SGCZ: variants seen among roughly 807,000 people sequenced by gnomAD.
The protein encoded by SGCZ is sarcoglycan zeta.
Under a neutral mutation model 41.3 loss-of-function variants are expected in SGCZ, and 40 were observed. That is an observed-to-expected ratio of 0.97 (90% CI 0.75 to 1.26). The LOEUF (loss-of-function observed/expected upper bound fraction) is 1.26, where lower values mean the gene tolerates loss of function less well. SGCZ is among the 50% of genes most tolerant of loss of function. The probability of loss-of-function intolerance (pLI) is 0.00; values close to 1 mark genes in which losing one functional copy is unlikely to be tolerated. For missense variants in SGCZ, 552 were observed against 369.8 expected (o/e 1.49, Z -4.04); for synonymous variants, 206 against 137.5 (o/e 1.50, Z -3.49).
Position 14,227,659 on chromosome 8 carries a change from G to C in SGCZ, c.424+9933C>G, listed in dbSNP as rs562257394. On this transcript the variant is annotated intron_variant, in intron 4 of 7. Coordinates refer to ENST00000382080, the MANE Select transcript of SGCZ (RefSeq NM_139167.4). ...TCATAACAATCTTAAGAAATCTGAA[G>C]AGATTTGGGTAATACTGTTTCCTCA... is the stretch of plus-strand genomic sequence containing the variant. 1.1e-4 allele frequency among the ~76,000 whole-genome samples: 17 copies of C among 152,180 alleles called. No individual in the cohort carries two copies. The South Asian group carries it at 3.5e-3, about 32-fold the overall frequency.
At chr8:14,911,729 A>T (rs1464452368) in intron 1 of SGCZ, among the ~76,000 whole-genome samples, 2 of 151,902 alleles carry the variant, frequency 1.3e-5, no homozygotes, top group Non-Finnish European at 2.9e-5. Context: ...GTTTAAAAAT[A>T]TTTATATATA....
At chr8:14,769,331 A>T (rs1469501100) in intron 1 of SGCZ, among the ~76,000 whole-genome samples, 1 of 152,218 alleles carries the variant, frequency 6.6e-6, no homozygotes, top group Non-Finnish European at 1.5e-5. Flanking sequence ...ACAATTTATT[A>T]TGGGGGAAAA....
intron 1 of SGCZ, among the ~76,000 whole-genome samples, chr8:14,555,650 C>G (rs993681369): frequency 2.0e-5 from 3 of 151,994 alleles, no homozygotes; most frequent in African/African-American, 7.2e-5. Flanking sequence ...ATGAATACAC[C>G]AAGCTACACT....
At chr8:15,014,288 T>TGCTGG (rs1192959863) in intron 1 of SGCZ, among the ~76,000 whole-genome samples, 1 of 152,196 alleles carries the variant, frequency 6.6e-6, no homozygotes, top group Non-Finnish European at 1.5e-5. Flanking sequence ...CCAAGGGATG[T>TGCTGG]GCTGGGCGTG....
chr8:15,104,384 C>A (rs551298369), intron 1 of SGCZ, among the ~76,000 whole-genome samples: 1 of 152,166 alleles, frequency 6.6e-6, no homozygotes, highest in South Asian at 2.1e-4. Context: ...ACTGGCACAT[C>A]AGACAGAGAG....
At chr8:14,387,981 C>T (rs966887918) in intron 2 of SGCZ, among the ~76,000 whole-genome samples, 7 of 151,962 alleles carry the variant, frequency 4.6e-5, no homozygotes, top group African/African-American at 9.7e-5. Flanking sequence ...TCTGTAGAAC[C>T]TTGTGATTAA....
chr8:14,680,618 T>A (rs1808411043), intron 1 of SGCZ, among the ~76,000 whole-genome samples: 1 of 151,864 alleles, frequency 6.6e-6, no homozygotes, highest in Non-Finnish European at 1.5e-5. Context: ...ATACACTGCA[T>A]ATATTCCAAA....
At chr8:14,419,563 G>A (rs62499663) in intron 2 of SGCZ, among the ~76,000 whole-genome samples, 13,215 of 151,734 alleles carry the variant, frequency 0.087, 744 homozygotes, top group Middle Eastern at 0.13. Context: ...AACAATATTC[G>A]TAAACATTTA....
At chr8:14,436,879 G>C (rs1207720043) in intron 2 of SGCZ, among the ~76,000 whole-genome samples, 1 of 152,120 alleles carries the variant, frequency 6.6e-6, no homozygotes, top group Non-Finnish European at 1.5e-5. Flanking sequence ...GGTTATTCAG[G>C]CTTGGGATTT....
At chr8:14,715,534 C>CCACACACACACACACACA (rs3069627) in intron 1 of SGCZ, among the ~76,000 whole-genome samples, 6 of 133,312 alleles carry the variant, frequency 4.5e-5, no homozygotes, top group African/African-American at 1.8e-4. Flanking sequence ...ATATCCTCCA[C>CCACACACACACACACACA]CACACACACA....
chr8:15,225,618 G>A (rs1801744142), intron 1 of SGCZ, among the ~76,000 whole-genome samples: 1 of 152,130 alleles, frequency 6.6e-6, no homozygotes, highest in Non-Finnish European at 1.5e-5. Context: ...GCGGAGTGTG[G>A]ATTATAACGT....
rs77416836 is a variant in SGCZ at position 14,517,655 on chromosome 8, G to A, written c.234+37077C>T. Reference sequence around the variant, plus strand: ...AATTAACTGCTCGTTGAAAATCTTGGTAAATTTTTGAAAAGCTTTTAAAAT... The same window carrying A: ...AATTAACTGCTCGTTGAAAATCTTGATAAATTTTTGAAAAGCTTTTAAAAT... On this transcript the variant is annotated intron_variant, in intron 2 of 7. Coordinates refer to ENST00000382080, the MANE Select transcript of SGCZ (RefSeq NM_139167.4). Among the ~76,000 whole-genome samples, 1,222 of 152,008 alleles carry A rather than the reference G, an allele frequency of 8.0e-3. 27 individuals carry two copies. Among genetic ancestry groups the A allele is most frequent in the East Asian group, 0.067 (343 of 5,148 alleles).
intron 1 of SGCZ, among the ~76,000 whole-genome samples, chr8:14,767,873 G>C (rs1800093577): frequency 6.6e-6 from 1 of 152,120 alleles, no homozygotes; most frequent in Non-Finnish European, 1.5e-5. Context: ...TGCTGAAATA[G>C]GGCCATGTAT....
chr8:14,159,205 T>G (rs1164344219), intron 5 of SGCZ, among the ~76,000 whole-genome samples: 1 of 152,194 alleles, frequency 6.6e-6, no homozygotes, highest in African/African-American at 2.4e-5. Context: ...TGGACAATTT[T>G]AAAACCTCTA....
At chr8:14,533,356 T>A (rs1223046742) in intron 2 of SGCZ, among the ~76,000 whole-genome samples, 1 of 152,188 alleles carries the variant, frequency 6.6e-6, no homozygotes, top group African/African-American at 2.4e-5. Context: ...CCTTTTCTTA[T>A]CAAATTAAAA....
chr8:14,500,716 A>G (rs1181968810), intron 2 of SGCZ, among the ~76,000 whole-genome samples: 20 of 152,056 alleles, frequency 1.3e-4, no homozygotes, highest in Admixed American at 1.2e-3. Flanking sequence ...CCATGTAAAA[A>G]TTACTATCAG....
intron 4 of SGCZ, among the ~76,000 whole-genome samples, chr8:14,214,832 G>C (rs1401800027): frequency 6.6e-6 from 1 of 151,994 alleles, no homozygotes; most frequent in Non-Finnish European, 1.5e-5. Context: ...TCATAAGCAG[G>C]TATGCACCAA....
At chr8:14,124,182 A>G (rs1351420405) in intron 5 of SGCZ, among the ~76,000 whole-genome samples, 2 of 151,664 alleles carry the variant, frequency 1.3e-5, no homozygotes, top group East Asian at 1.9e-4. Context: ...AGTAATTATA[A>G]CAGCAGCACC....
At chr8:15,200,141 T>C (rs973843220) in intron 1 of SGCZ, among the ~76,000 whole-genome samples, 1 of 152,226 alleles carries the variant, frequency 6.6e-6, no homozygotes, top group Non-Finnish European at 1.5e-5. Context: ...CATCTGGGTA[T>C]GTGTTCAGCG....
Sources: gnomAD v4.1 joint callset for allele counts (sites outside exome capture counted in the v4.1 genomes callset) on GRCh38, gnomAD v4.1.1 for gene constraint, MANE v1.5 for transcripts, NCBI Gene and HGNC (gene_info 2026-07-23, HGNC 2026-07-21) for gene names.